The following PHGDH variants were observed in gnomAD, a reference collection of about 807,000 sequenced individuals.
PHGDH encodes the protein phosphoglycerate dehydrogenase, also known as D-3-phosphoglycerate dehydrogenase.
Under a neutral mutation model 52.6 loss-of-function variants are expected in PHGDH, and 50 were observed. That is an observed-to-expected ratio of 0.95 (90% CI 0.76 to 1.20). The LOEUF (loss-of-function observed/expected upper bound fraction) is 1.20, where lower values mean the gene tolerates loss of function less well. PHGDH is among the 50% of genes most tolerant of loss of function. PHGDH has a pLI of 0.00. For synonymous variants in PHGDH, 271 were observed against 280.5 expected (o/e 0.97, Z 0.34); for missense variants, 630 against 684.6 (o/e 0.92, Z 0.89).
At chr1:119,728,345 C>T (rs150856786) in intron 5 of PHGDH, among the ~76,000 whole-genome samples, 1 of 152,286 alleles carries the variant, frequency 6.6e-6, no homozygotes, top group East Asian at 1.9e-4. Context: ...AAAACAGGAA[C>T]AAGTTTATGG....
chr1:119,734,757 T>G lies in PHGDH; in HGVS notation c.634T>G (p.Ser212Ala), dbSNP rs374083753. The G allele has an allele frequency of 2.5e-6, 4 of 1,614,018 alleles. No individual in the cohort carries two copies. Among genetic ancestry groups the G allele is most frequent in the African/African-American group, 1.3e-5 (1 of 74,928 alleles). ...CACTGTGCACACTCCTCTCCTGCCC[T>G]CCACGACAGGTAGGTGTGTCCTTAC... ...FITVHTPLLP[S>A]TTGLLNDNTF... is the part of the protein sequence containing the mutation. The change falls in exon 6 of 12, where the codon TCC becomes GCC. Residue 212 changes from serine to alanine, a missense_variant. Physicochemically the swap from Ser to Ala is moderately conservative, Grantham distance 99. Transcript: ENST00000641023.
intron 10 of PHGDH, 183 bp from the exon 11 acceptor site, chr1:119,742,624 A>T: frequency 1.6e-6 from 1 of 643,456 alleles, no homozygotes; most frequent in Admixed American, 2.3e-5. Context: ...TGGCTGTTCC[A>T]GGAAGCTGAT....
At chr1:119,733,518 AG>A (rs34338933) in intron 5 of PHGDH, among the ~76,000 whole-genome samples, 91,900 of 133,210 alleles carry the variant, frequency 0.69, 29,413 homozygotes, top group South Asian at 0.76. Flanking sequence ...AATTTTTTGT[AG>A]GGGGGGGGGT....
chr1:119,721,063 A>C, intron 1 of PHGDH, 107 bp from the exon 2 acceptor site: 1 of 1,038,002 alleles, frequency 9.6e-7, no homozygotes, highest in South Asian at 1.3e-5. Context: ...TGACTTCCTA[A>C]GGTTCCGGAA....
Position 119,734,747 on chromosome 1 carries a change from T to A in PHGDH, c.624T>A (p.Pro208=), listed in dbSNP as rs77401816. ...PLCDFITVHT[P]LLPSTTGLLN... is the part of the protein sequence containing the mutation. ...GTGATTTCATCACTGTGCACACTCC[T>A]CTCCTGCCCTCCACGACAGGTAGGT... The change falls in exon 6 of 12, where the codon CCT becomes CCA. Residue 208 remains proline, a synonymous_variant. Transcript: ENST00000641023. 6.2e-7 allele frequency: 1 copy of A among 1,613,728 alleles called. No homozygotes were observed. The highest frequency in any genetic ancestry group is 8.5e-7 in the Non-Finnish European group (1 of 1,179,950).
In PHGDH at chr1:119,742,975, C is replaced by T. The variant is rs749406489; in HGVS notation, c.1378C>T (p.Arg460Cys). ...GAVFRPEVPL[R>C]RDLPLLLFRT... ...TGTCTTCAGGCCAGAAGTGCCTCTC[C>T]GCAGGGACCTGCCCCTGCTCCTATT... Residue 460 changes from arginine (R) to cysteine (C), a missense_variant, in exon 11 of 12, where the codon CGC becomes TGC. Transcript: ENST00000641023. 8 of 1,613,984 alleles carry T rather than the reference C, an allele frequency of 5.0e-6. No individual in the cohort carries two copies. Among genetic ancestry groups the T allele is most frequent in the East Asian group, 2.2e-5 (1 of 44,886 alleles).
At chr1:119,736,435 T>C (rs1651936297) in intron 7 of PHGDH, among the ~76,000 whole-genome samples, 1 of 152,152 alleles carries the variant, frequency 6.6e-6, no homozygotes, top group African/African-American at 2.4e-5. Flanking sequence ...CAGGGTTAAA[T>C]GGTCAAAATT....
rs199629505 is a variant in PHGDH at position 119,740,380 on chromosome 1, C to T, written c.946-6C>T. On this transcript the variant is annotated splice_region_variant and splice_polypyrimidine_tract_variant and intron_variant, in intron 8 of 11. Transcript: ENST00000641023. ...GACCACAGCCCCGCTCCTCCATCCT[C>T]TGCAGGTGAATGCCCAGGCCCTTAC... is the stretch of plus-strand genomic sequence containing the variant. 37 of 1,614,040 alleles carry T rather than the reference C, an allele frequency of 2.3e-5. No homozygotes were observed. The highest frequency in any genetic ancestry group is 2.9e-5 in the Non-Finnish European group (34 of 1,179,998).
chr1:119,735,322 A>G lies in PHGDH; in HGVS notation c.671A>G (p.Gln224Arg). The G allele has an allele frequency of 1.2e-6, 2 of 1,614,238 alleles. No homozygotes were observed. Among genetic ancestry groups the G allele is most frequent in the Non-Finnish European group, 1.7e-6 (2 of 1,180,050 alleles). The change falls in exon 7 of 12, where the codon CAG becomes CGG. Residue 224 changes from glutamine (Q) to arginine (R), a missense_variant. Physicochemically the swap from Gln to Arg is conservative, Grantham distance 43. Coordinates refer to ENST00000641023, the MANE Select transcript of PHGDH (RefSeq NM_006623.4). ...TGLLNDNTFA[Q>R]CKKGVRVVNC... ...TTGCTGAATGACAACACCTTTGCCC[A>G]GTGCAAGAAGGGGGTGCGTGTGGTG...
intron 5 of PHGDH, among the ~76,000 whole-genome samples, chr1:119,731,900 CA>C (rs1225638115): frequency 1.3e-5 from 2 of 152,212 alleles, no homozygotes; most frequent in African/African-American, 4.8e-5. Context: ...CTGCCCAGAG[CA>C]GTGATTCTCA....
intron 5 of PHGDH, 48 bp downstream of exon 5, chr1:119,727,150 T>G: frequency 8.3e-7 from 1 of 1,207,670 alleles, no homozygotes; most frequent in Non-Finnish European, 1.2e-6. Flanking sequence ...TGCAGCAATT[T>G]TGGGAAAGGC....
intron 2 of PHGDH, 106 bp from the exon 3 acceptor site, chr1:119,723,270 G>T: frequency 1.1e-6 from 1 of 897,664 alleles, no homozygotes; most frequent in South Asian, 1.3e-5. Context: ...TCAGTTCATG[G>T]AGCAGGAGTG....
chr1:119,743,739 C>T (rs1270094237), intron 11 of PHGDH, 147 bp from the exon 12 acceptor site: 9 of 756,616 alleles, frequency 1.2e-5, no homozygotes, highest in East Asian at 2.4e-5. Flanking sequence ...CCCTGTTGCT[C>T]TCCCATCTCA....
At chr1:119,715,444 A>G (rs947299958) in intron 1 of PHGDH, among the ~76,000 whole-genome samples, 1 of 152,218 alleles carries the variant, frequency 6.6e-6, no homozygotes, top group Non-Finnish European at 1.5e-5. Flanking sequence ...ATAACCATCA[A>G]ATTAATCAGG....
intron 10 of PHGDH, 100 bp from the exon 11 acceptor site, chr1:119,742,707 C>G: frequency 1.3e-6 from 1 of 775,492 alleles, no homozygotes; most frequent in Admixed American, 2.0e-5. Flanking sequence ...ATTATCCAGG[C>G]TGGAGCCCTA....
In PHGDH at chr1:119,734,649, C is replaced by T; in HGVS notation, c.526C>T (p.Pro176Ser). ...TTCCAACCAGACTATAGGGTATGAC[C>T]CCATCATTTCCCCAGAGGTCTCGGC... Reference protein sequence around the residue: ...SFGMKTIGYDPIISPEVSASF... With the variant: ...SFGMKTIGYDSIISPEVSASF... The change falls in exon 6 of 12, where the codon CCC becomes TCC. Residue 176 changes from proline (P) to serine (S), a missense_variant. Coordinates refer to ENST00000641023, the MANE Select transcript of PHGDH (RefSeq NM_006623.4). The T allele has an allele frequency of 3.7e-6, 6 of 1,614,024 alleles. No homozygotes were observed. Among genetic ancestry groups the T allele is most frequent in the Non-Finnish European group, 5.1e-6 (6 of 1,179,916 alleles).
chr1:119,733,112 A>AGG (rs1222569345), intron 5 of PHGDH, among the ~76,000 whole-genome samples: 6 of 152,072 alleles, frequency 3.9e-5, no homozygotes, highest in Non-Finnish European at 8.8e-5. Flanking sequence ...TCTGAAAAAG[A>AGG]CCACCAGCGT....
chr1:119,726,743 G>C, intron 3 of PHGDH, 108 bp from the exon 4 acceptor site: 2 of 861,464 alleles, frequency 2.3e-6, no homozygotes, highest in South Asian at 2.7e-5. Flanking sequence ...CCCAGTTCTT[G>C]GGGAAGTGGC....
chr1:119,737,373 G>A (rs1651990935), intron 8 of PHGDH, 107 bp downstream of exon 8: 1 of 991,168 alleles, frequency 1.0e-6, no homozygotes, highest in Admixed American at 2.2e-5. Context: ...TCAGCCCTGG[G>A]AGCTGAAGAT....
Sources: gnomAD v4.1 joint callset for allele counts (sites outside exome capture counted in the v4.1 genomes callset) on GRCh38, gnomAD v4.1.1 for gene constraint, MANE v1.5 for transcripts, NCBI Gene and HGNC (gene_info 2026-07-23, HGNC 2026-07-21) for gene names.